Variants in KLRG1 observed in about 807,000 individuals in gnomAD.
The protein encoded by KLRG1 is killer cell lectin-like receptor subfamily G member 1.
A neutral mutation model predicts 21.8 loss-of-function variants in KLRG1; 16 were observed. The ratio of observed to expected loss-of-function variants is 0.73; its 90% confidence interval spans 0.50 to 1.11. The LOEUF (loss-of-function observed/expected upper bound fraction) is 1.11, where lower values mean the gene tolerates loss of function less well. Ranked by LOEUF, KLRG1 falls within the 50% of genes most tolerant of loss-of-function variation. The probability of loss-of-function intolerance (pLI) is 0.00; values close to 1 mark genes in which losing one functional copy is unlikely to be tolerated. For missense variants in KLRG1, 173 were observed against 218.3 expected, an observed-to-expected ratio of 0.79 and a Z score of 1.31; for synonymous variants, 69 against 75.9, an observed-to-expected ratio of 0.91 and a Z score of 0.47.
chr12:9,027,525 A>T, the KLRG1 span: 1 of 1,132,144 alleles, frequency 8.8e-7, no homozygotes, highest in Non-Finnish European at 1.3e-6. Flanking sequence ...TTTGTTTCCT[A>T]ATTAAAATCT....
chr12:8,972,438 C>T (rs1946586497), intron 1 of KLRG1, among the ~76,000 whole-genome samples: 8 of 152,178 alleles, frequency 5.3e-5, no homozygotes, highest in Admixed American at 4.6e-4. Context: ...GGATTACAGG[C>T]GTGAGCCACT....
chr12:8,962,508 G>A (rs1291335361), intron 1 of KLRG1, among the ~76,000 whole-genome samples: 2 of 152,024 alleles, frequency 1.3e-5, no homozygotes, highest in African/African-American at 4.8e-5. Context: ...GAGCCCAGGA[G>A]TTCAAGATCA....
chr12:8,983,769 A>C (rs1196396764), intron 1 of KLRG1, among the ~76,000 whole-genome samples: 1 of 152,096 alleles, frequency 6.6e-6, no homozygotes, highest in Admixed American at 6.6e-5. Flanking sequence ...GAATTTAGCT[A>C]TCATTCATGT....
chr12:9,011,971 C>T (rs562086030), downstream of KLRG1, among the ~76,000 whole-genome samples: 174 of 152,350 alleles, frequency 1.1e-3, 3 homozygotes, highest in African/African-American at 4.0e-3. Context: ...TGGTCGGAAC[C>T]TGAGTTTCTG....
intron 2 of KLRG1, among the ~76,000 whole-genome samples, 171 bp downstream of exon 2, chr12:8,992,481 A>C (rs1381469346): frequency 6.6e-6 from 1 of 151,678 alleles, no homozygotes; most frequent in Non-Finnish European, 1.5e-5. Context: ...GTAAGCTTGT[A>C]TTTTCTTTTT....
At chr12:9,164,618 A>G in the KLRG1 span, among the ~76,000 whole-genome samples, 1 of 152,194 alleles carries the variant, frequency 6.6e-6, no homozygotes, top group Non-Finnish European at 1.5e-5. Flanking sequence ...TACAACATAT[A>G]TTACATGTCT....
the KLRG1 span, among the ~76,000 whole-genome samples, chr12:9,042,416 A>G: frequency 6.6e-6 from 1 of 152,250 alleles, no homozygotes; most frequent in East Asian, 1.9e-4. Flanking sequence ...AGATTTCAAG[A>G]TTACAGCTGT....
the KLRG1 span, chr12:9,157,698 G>A: frequency 6.5e-5 from 88 of 1,362,248 alleles, no homozygotes; most frequent in Non-Finnish European, 8.4e-5. Context: ...TCAACCCTTA[G>A]CAGGGTGGCA....
At chr12:9,112,641 T>TCTTACTTAA in the KLRG1 span, 16 of 1,267,208 alleles carry the variant, frequency 1.3e-5, no homozygotes, top group African/African-American at 2.1e-4. Context: ...TTACTTAACT[T>TCTTACTTAA]CACTCCCTTG....
the KLRG1 span, among the ~76,000 whole-genome samples, chr12:9,052,657 A>G: frequency 6.6e-6 from 1 of 152,224 alleles, no homozygotes; most frequent in Non-Finnish European, 1.5e-5. Flanking sequence ...ACAGCTGAGT[A>G]GCACTGAGAA....
chr12:9,035,890 A>G, the KLRG1 span, among the ~76,000 whole-genome samples: 1 of 152,222 alleles, frequency 6.6e-6, no homozygotes, highest in Non-Finnish European at 1.5e-5. Flanking sequence ...GAACCAATGT[A>G]GGAACAGACA....
At chr12:9,072,820 T>G in the KLRG1 span, 2 of 1,614,156 alleles carry the variant, frequency 1.2e-6, no homozygotes, top group Admixed American at 1.7e-5. Flanking sequence ...CCAGTCCTGG[T>G]AAATGTGGCT....
At chr12:9,073,077 T>TAG in the KLRG1 span, among the ~76,000 whole-genome samples, 80 of 152,378 alleles carry the variant, frequency 5.3e-4, no homozygotes, top group South Asian at 6.0e-3. Context: ...CTGTATGCCC[T>TAG]ACATGTTTAT....
chr12:8,983,246 G>A (rs1592256087), intron 1 of KLRG1, among the ~76,000 whole-genome samples: 1 of 151,798 alleles, frequency 6.6e-6, no homozygotes, highest in African/African-American at 2.4e-5. Context: ...TATTTTCTAA[G>A]AACTTCTTTT....
At chr12:9,023,167 G>T in the KLRG1 span, among the ~76,000 whole-genome samples, 254 of 152,274 alleles carry the variant, frequency 1.7e-3, 1 homozygote, top group African/African-American at 5.6e-3. Flanking sequence ...TTGGAAGTGG[G>T]AGACAGTCTT....
At chr12:9,168,879 T>C in the KLRG1 span, 13,626 of 1,613,118 alleles carry the variant, frequency 8.4e-3, 777 homozygotes, top group African/African-American at 0.13. Context: ...CTCCATAGTA[T>C]CCTTGACCTA....
the KLRG1 span, chr12:9,077,570 CT>C: frequency 2.0e-6 from 3 of 1,494,738 alleles, no homozygotes; most frequent in Admixed American, 2.0e-5. Flanking sequence ...TCTATCCCCT[CT>C]TTTTTGGTGC....
At chr12:8,997,696 T>G (rs1350209725) in intron 3 of KLRG1, among the ~76,000 whole-genome samples, 1 of 152,214 alleles carries the variant, frequency 6.6e-6, no homozygotes, top group Non-Finnish European at 1.5e-5. Flanking sequence ...ACCTCCTATC[T>G]TAGATCACTT....
chr12:8,994,518 A>C (rs920524182), intron 2 of KLRG1, among the ~76,000 whole-genome samples: 2 of 152,186 alleles, frequency 1.3e-5, no homozygotes, highest in African/African-American at 4.8e-5. Flanking sequence ...AAAAATATCA[A>C]AGTAAGTTCT....
Sources: allele counts gnomAD v4.1 joint callset (sites outside exome capture counted in the v4.1 genomes callset), GRCh38; gene constraint gnomAD v4.1.1; transcripts MANE v1.5; gene names NCBI Gene and HGNC (gene_info 2026-07-23, HGNC 2026-07-21).